CEMIP2: variants seen among roughly 807,000 people sequenced by gnomAD.
CEMIP2 encodes the protein cell surface hyaluronidase CEMIP2.
A neutral mutation model predicts 146.9 loss-of-function variants in CEMIP2; 79 were observed. The observed-to-expected ratio is 0.54, with a 90% confidence interval of 0.45 to 0.65. The LOEUF is 0.65. Among genes scored for constraint, CEMIP2 ranks in the 30% least tolerant of loss-of-function variants. CEMIP2 has a pLI of 0.00. For synonymous variants in CEMIP2, 601 were observed against 606.3 expected, an observed-to-expected ratio of 0.99 and a Z score of 0.13; for missense variants, 1,596 against 1,696.2, an observed-to-expected ratio of 0.94 and a Z score of 1.04.
chr9:71,724,531 T>G (rs1269233435), intron 11 of CEMIP2, among the ~76,000 whole-genome samples: 1 of 152,152 alleles, frequency 6.6e-6, no homozygotes, highest in Non-Finnish European at 1.5e-5. Flanking sequence ...GTATCATAAA[T>G]GCAAAGTATT....
intron 2 of CEMIP2, 81 bp downstream of exon 2, chr9:71,749,962 T>C (rs1054507524): frequency 1.5e-6 from 2 of 1,308,172 alleles, no homozygotes; most frequent in Non-Finnish European, 2.1e-6. Context: ...CAACTTAAGA[T>C]AAATTTTTTT....
chr9:71,712,928 T>C (rs1822950072), intron 15 of CEMIP2, among the ~76,000 whole-genome samples: 1 of 152,238 alleles, frequency 6.6e-6, no homozygotes, highest in Admixed American at 6.5e-5. Flanking sequence ...CTCCTATTAA[T>C]TCTTTAATTG....
intron 20 of CEMIP2, among the ~76,000 whole-genome samples, chr9:71,696,261 A>G (rs1393326981): frequency 6.6e-6 from 1 of 152,196 alleles, no homozygotes; most frequent in East Asian, 1.9e-4. Flanking sequence ...ATTAGGCTGG[A>G]AAATTTACTT....
intron 2 of CEMIP2, among the ~76,000 whole-genome samples, chr9:71,747,928 A>G (rs1589162858): frequency 6.6e-6 from 1 of 152,198 alleles, no homozygotes; most frequent in South Asian, 2.1e-4. Flanking sequence ...TGATAAGTCA[A>G]TGAGTATCAC....
At chr9:71,704,111 T>C (rs763001316) in intron 18 of CEMIP2, among the ~76,000 whole-genome samples, 2 of 152,206 alleles carry the variant, frequency 1.3e-5, no homozygotes, top group Non-Finnish European at 2.9e-5. Context: ...CAAGAAGGGA[T>C]AAAATAGTGC....
intron 16 of CEMIP2, among the ~76,000 whole-genome samples, chr9:71,710,421 T>A (rs1265512447): frequency 6.6e-6 from 1 of 152,194 alleles, no homozygotes; most frequent in Non-Finnish European, 1.5e-5. Flanking sequence ...TAGCGGCAAG[T>A]TCTTGGTTCC....
chr9:71,714,815 T>C (rs1589140212), intron 15 of CEMIP2, 119 bp downstream of exon 15: 2 of 991,654 alleles, frequency 2.0e-6, no homozygotes, highest in East Asian at 2.6e-5. Context: ...AATGATAAAA[T>C]AGGAAAAGAG....
In CEMIP2 at chr9:71,745,266, G is replaced by A. The variant is rs1225837811; in HGVS notation, c.786C>T (p.Asp262=). ...CCCTCACATTGAGGCCCCGGGAAAA[G>A]TCCTTTTCAAAGGTATAGGACCCAA... is the stretch of plus-strand genomic sequence containing the variant. ...LPFGSYTFEK[D]FSRGLNVRVI... The change falls in exon 4 of 24, where the codon GAC becomes GAT. Residue 262 remains aspartate (D), a synonymous_variant. Transcript: ENST00000377044. The A allele has an allele frequency of 6.2e-7, 1 of 1,614,108 alleles. No homozygotes were observed. Among genetic ancestry groups the A allele is most frequent in the Non-Finnish European group, 8.5e-7 (1 of 1,180,010 alleles).
chr9:71,705,852 A>T (rs112645612), intron 17 of CEMIP2, among the ~76,000 whole-genome samples: 1 of 151,960 alleles, frequency 6.6e-6, no homozygotes, highest in African/African-American at 2.4e-5. Context: ...TACACTGCAT[A>T]TCTGTCCCCT....
Position 71,709,274 on chromosome 9 carries a change from A to C in CEMIP2, c.2970T>G (p.Ser990Arg), listed in dbSNP as rs755991159. 4 of 1,614,206 alleles carry C rather than the reference A, an allele frequency of 2.5e-6. No homozygotes were observed. Among genetic ancestry groups the C allele is most frequent in the Non-Finnish European group, 3.4e-6 (4 of 1,180,004 alleles). The change falls in exon 17 of 24, where the codon AGT becomes AGG. Residue 990 changes from serine (S) to arginine (R), a missense_variant. Transcript: ENST00000377044. ...NVSKWNAVIC[S>R]GTYAQVYVQT... is the part of the protein sequence containing the mutation. ...CTAAGCCTACCTGTGCATAGGTCCCACTGCAGATCACTGCATTCCACTTAG... is the reference window on the plus strand; with the variant it reads ...CTAAGCCTACCTGTGCATAGGTCCCCCTGCAGATCACTGCATTCCACTTAG...
At chr9:71,743,489 G>C (rs532180100) in intron 4 of CEMIP2, among the ~76,000 whole-genome samples, 1 of 152,242 alleles carries the variant, frequency 6.6e-6, no homozygotes, top group South Asian at 2.1e-4. Context: ...CCCTTGGTCT[G>C]AAAAAGCTTT....
At position 71,745,367 on chromosome 9, in the gene CEMIP2, T is replaced by G. The variant is rs774331006; in HGVS notation, c.685A>C (p.Thr229Pro). 1 of 1,614,100 alleles carries G rather than the reference T, an allele frequency of 6.2e-7. No homozygotes were observed. The highest frequency in any genetic ancestry group is 8.5e-7 in the Non-Finnish European group (1 of 1,179,960). The stretch of plus-strand genomic sequence containing the variant: ...TTCCGTGCCCCATGTAACTCCAGTG[T>G]CCCGCCAGCTTCCACACCAATAAAC... ...KKFIGVEAGG[T>P]LELHGARKAS... The change falls in exon 4 of 24, where the codon ACA becomes CCA. Residue 229 changes from threonine to proline, a missense_variant. Physicochemically the swap from Thr to Pro is conservative, Grantham distance 38. Coordinates refer to ENST00000377044, the MANE Select transcript of CEMIP2 (RefSeq NM_013390.3).
intron 22 of CEMIP2, chr9:71,686,133 A>T (rs1386744651): frequency 1.0e-5 from 3 of 291,906 alleles, no homozygotes; most frequent in African/African-American, 4.3e-5. Context: ...GATGGGTACC[A>T]GTAGATTAGG....
intron 1 of CEMIP2, among the ~76,000 whole-genome samples, chr9:71,754,538 CAT>C (rs1303646137): frequency 6.6e-6 from 1 of 152,054 alleles, no homozygotes; most frequent in Non-Finnish European, 1.5e-5. Context: ...GAAGAAGGAG[CAT>C]ATGAGTATTT....
At chr9:71,701,071 AT>A (rs1176052467) in intron 18 of CEMIP2, among the ~76,000 whole-genome samples, 1 of 152,156 alleles carries the variant, frequency 6.6e-6, no homozygotes, top group Non-Finnish European at 1.5e-5. Context: ...TACAGCAAAA[AT>A]ATGAGCCTTT....
chr9:71,696,687 C>T (rs1455194711), intron 20 of CEMIP2, among the ~76,000 whole-genome samples: 1 of 152,030 alleles, frequency 6.6e-6, no homozygotes, highest in Non-Finnish European at 1.5e-5. Context: ...AGGAGAATCC[C>T]TTGAACCCGG....
At chr9:71,755,382 A>ACACACACACACAC (rs1564027281) in intron 1 of CEMIP2, among the ~76,000 whole-genome samples, 6 of 92,928 alleles carry the variant, frequency 6.5e-5, no homozygotes, top group Non-Finnish European at 1.1e-4. Context: ...CACACACACA[A>ACACACACACACAC]AATTAAATCA....
chr9:71,709,500 T>C lies in CEMIP2; in HGVS notation c.2770-26A>G, dbSNP rs763562835. ...CTGACCACAGTGAAAAAGAAAGACA[T>C]CACAAAGTGAGGGCTCCTGCTATCT... On this transcript the variant is annotated intron_variant, in intron 16 of 23. Transcript: ENST00000377044. The C allele has an allele frequency of 2.5e-6, 4 of 1,602,946 alleles. No homozygotes were observed. In the East Asian group the frequency reaches 8.9e-5, roughly 36 times the overall value.
Position 71,756,506 on chromosome 9 carries a change from TCACA to T in CEMIP2, c.-12-6125_-12-6122del, listed in dbSNP as rs1554689412. Among the ~76,000 whole-genome samples, 566 of 112,508 alleles carry T rather than the reference TCACA, an allele frequency of 5.0e-3. 1 individual carries two copies. Among genetic ancestry groups the T allele is most frequent in the African/African-American group, 0.012 (346 of 29,362 alleles). 73.8% of individuals were successfully genotyped at this position (112,508 alleles called of 152,430 possible). ...CTCTCTCTCTCTCTCTCTCTCTCTC[TCACA>T]CACACACACACACACACACACACAA... is the stretch of plus-strand genomic sequence containing the variant. On this transcript the variant is annotated intron_variant, in intron 1 of 23. Transcript: ENST00000377044.
Sources: allele counts gnomAD v4.1 joint callset (sites outside exome capture counted in the v4.1 genomes callset), GRCh38; gene constraint gnomAD v4.1.1; transcripts MANE v1.5; gene names NCBI Gene and HGNC (gene_info 2026-07-23, HGNC 2026-07-21).